Variants in RAP1GAP2 observed in about 807,000 individuals in gnomAD.
RAP1GAP2 encodes the protein RAP1 GTPase activating protein 2.
In RAP1GAP2, 27 loss-of-function variants were observed where a neutral mutation model predicts 95.0. That is an observed-to-expected ratio of 0.28 (90% CI 0.21 to 0.39). RAP1GAP2 has a LOEUF of 0.39. Ranked by LOEUF, RAP1GAP2 falls within the 10% of genes least tolerant of loss-of-function variation. The probability of loss-of-function intolerance (pLI) is 1.00; values close to 1 mark genes in which losing one functional copy is unlikely to be tolerated. For missense variants in RAP1GAP2, 771 were observed against 970.0 expected (o/e 0.79, Z 2.72); for synonymous variants, 373 against 380.9 (o/e 0.98, Z 0.24).
At chr17:2,756,011 C>T (rs1285859268) in intron 1 of RAP1GAP2, among the ~76,000 whole-genome samples, 1 of 152,196 alleles carries the variant, frequency 6.6e-6, no homozygotes, top group African/African-American at 2.4e-5. Flanking sequence ...CTGTGCGAGC[C>T]GTCAGGCTTT....
At chr17:2,953,708 A>G (rs977460923) in intron 3 of RAP1GAP2, among the ~76,000 whole-genome samples, 4 of 152,058 alleles carry the variant, frequency 2.6e-5, no homozygotes, top group Non-Finnish European at 5.9e-5. Context: ...TTAGCTGGGC[A>G]TGGGGGCGCA....
intron 13 of RAP1GAP2, among the ~76,000 whole-genome samples, chr17:2,995,856 G>A (rs2045937130): frequency 6.6e-6 from 1 of 152,208 alleles, no homozygotes; most frequent in Non-Finnish European, 1.5e-5. Flanking sequence ...GTGGCAAAGG[G>A]TGCATGGTGG....
chr17:2,985,137 C>T, intron 11 of RAP1GAP2, 71 bp downstream of exon 11: 1 of 1,602,540 alleles, frequency 6.2e-7, no homozygotes, highest in Non-Finnish European at 8.5e-7. Context: ...TATCCCCACC[C>T]AGAACACAGG....
intron 1 of RAP1GAP2, among the ~76,000 whole-genome samples, chr17:2,779,066 C>T (rs115730797): frequency 1.3e-3 from 198 of 152,262 alleles, no homozygotes; most frequent in African/African-American, 4.3e-3. Context: ...GAAGGCCCAG[C>T]GTGGCCTGAC....
chr17:3,017,941 G>A (rs1007728041), intron 17 of RAP1GAP2, 120 bp from the exon 18 acceptor site: 2 of 817,882 alleles, frequency 2.4e-6, no homozygotes, highest in African/African-American at 3.6e-5. Context: ...GTGTGTGTGT[G>A]TGTGTGTATG....
intron 2 of RAP1GAP2, among the ~76,000 whole-genome samples, chr17:2,874,514 C>G (rs971849751): frequency 5.9e-5 from 9 of 152,118 alleles, no homozygotes; most frequent in Non-Finnish European, 1.2e-4. Flanking sequence ...ACCCTCATTT[C>G]AAGCAGGTAT....
chr17:2,808,953 G>A (rs770861347), intron 2 of RAP1GAP2, among the ~76,000 whole-genome samples: 6 of 152,208 alleles, frequency 3.9e-5, no homozygotes, highest in Non-Finnish European at 7.4e-5. Flanking sequence ...CCTGTTTTGG[G>A]ATCTGGAGTC....
chr17:2,929,822 G>T (rs1317435552), intron 3 of RAP1GAP2, among the ~76,000 whole-genome samples: 2 of 152,160 alleles, frequency 1.3e-5, no homozygotes, highest in African/African-American at 2.4e-5. Flanking sequence ...CGGTCCTGAG[G>T]GTGCGTGCCC....
At chr17:3,013,047 C>T (rs919673050) in intron 17 of RAP1GAP2, among the ~76,000 whole-genome samples, 11 of 152,270 alleles carry the variant, frequency 7.2e-5, no homozygotes, top group South Asian at 2.1e-4. Context: ...AGAAGGCTGC[C>T]GGGCTGGCTG....
intron 3 of RAP1GAP2, among the ~76,000 whole-genome samples, chr17:2,932,584 CAAAAAAAA>C (rs71153311): frequency 1.9e-5 from 1 of 52,328 alleles, no homozygotes; most frequent in Non-Finnish European, 3.7e-5. Flanking sequence ...GACTCCATCT[CAAAAAAAA>C]AAAAAAAAAA....
chr17:2,953,020 G>C (rs1390355371), intron 3 of RAP1GAP2, among the ~76,000 whole-genome samples: 1 of 151,852 alleles, frequency 6.6e-6, no homozygotes, highest in African/African-American at 2.4e-5. Flanking sequence ...TGGCCAGGCT[G>C]GTCTCGAACT....
rs1032220132 is a variant in RAP1GAP2 at position 2,800,652 on chromosome 17, G to C, written c.80+102G>C. ...TGTGGGAGACACAAGAGGGGCTGTC[G>C]TGTTTGTCAGATTCCAGTCCGAGTC... On this transcript the variant is annotated intron_variant, in intron 2 of 24. Coordinates refer to ENST00000254695, the MANE Select transcript of RAP1GAP2 (RefSeq NM_015085.5). 5.6e-5 allele frequency: 70 copies of C among 1,252,874 alleles called. No homozygotes were observed. In the East Asian group the frequency reaches 1.7e-3, roughly 31 times the overall value. The allele number at this position is 1,252,874 out of a possible 1,614,324, so 77.6% of individuals were successfully genotyped here. A position where few individuals can be genotyped will look rare whatever the true frequency, so the allele number is the denominator to read the frequency against.
intron 2 of RAP1GAP2, among the ~76,000 whole-genome samples, chr17:2,899,017 G>A (rs974833111): frequency 1.4e-5 from 2 of 145,156 alleles, no homozygotes; most frequent in South Asian, 2.2e-4. Flanking sequence ...CGTTCTGTCT[G>A]TGGATTTGCC....
Position 2,963,775 on chromosome 17 carries a change from C to T in RAP1GAP2, c.280-81C>T. ...GGGTACCAGGCCCCACTCCTGGGAG[C>T]AGCGCAGAGGGGACACCGCCACCGG... On this transcript the variant is annotated intron_variant, in intron 6 of 24. Coordinates refer to ENST00000254695, the MANE Select transcript of RAP1GAP2 (RefSeq NM_015085.5). This position sits in a 1 kb window ranked among gnomAD's most constrained non-coding sequence, Gnocchi z 4.8. 18 of 1,250,814 alleles carry T rather than the reference C, an allele frequency of 1.4e-5. No homozygotes were observed. Among genetic ancestry groups the T allele is most frequent in the Non-Finnish European group, 1.9e-5 (17 of 905,872 alleles). The allele number at this position is 1,250,814 out of a possible 1,614,324, so 77.5% of individuals were successfully genotyped here. A position where few individuals can be genotyped will look rare whatever the true frequency, so the allele number is the denominator to read the frequency against.
rs1291035005 is a variant in RAP1GAP2, at chr17:3,034,936, C to T, written c.*1575C>T. Reference sequence around the variant, plus strand: ...GGATTTCCAGCTGAATGCTTTATTCCCATAGGGATCTGGACCTGTGCCCAA... The same window carrying T: ...GGATTTCCAGCTGAATGCTTTATTCTCATAGGGATCTGGACCTGTGCCCAA... On this transcript the variant is annotated 3_prime_UTR_variant, in exon 25 of 25. Transcript: ENST00000254695. This position sits in a 1 kb window ranked among gnomAD's most constrained non-coding sequence, Gnocchi z 5.1. 1 of 151,946 alleles carries T rather than the reference C, an allele frequency of 6.6e-6. No individual in the cohort carries two copies. Among genetic ancestry groups the T allele is most frequent in the Non-Finnish European group, 1.5e-5 (1 of 68,044 alleles). 9.4% of individuals were successfully genotyped at this position (151,946 alleles called of 1,614,324 possible). A position where few individuals can be genotyped will look rare whatever the true frequency, so the allele number is the denominator to read the frequency against.
At chr17:2,891,581 G>GC (rs2073718277) in intron 2 of RAP1GAP2, among the ~76,000 whole-genome samples, 3 of 149,998 alleles carry the variant, frequency 2.0e-5, no homozygotes, top group Non-Finnish European at 3.0e-5. Context: ...CACTTCCAGA[G>GC]CCCCCCCATC....
chr17:3,032,471 CTGTGG>C, intron 24 of RAP1GAP2, 22 bp downstream of exon 24: 1 of 1,607,710 alleles, frequency 6.2e-7, no homozygotes, highest in Non-Finnish European at 8.5e-7. Context: ...GAATGTCCTG[CTGTGG>C]CCGTGAGGGG....
chr17:3,023,035 C>T (rs1208398871), intron 19 of RAP1GAP2, among the ~76,000 whole-genome samples: 2 of 152,114 alleles, frequency 1.3e-5, no homozygotes, highest in African/African-American at 2.4e-5. Context: ...GGTTTTTGTT[C>T]TGTATGGTTA....
chr17:2,943,016 G>A (rs575193992), intron 3 of RAP1GAP2, among the ~76,000 whole-genome samples: 65 of 152,024 alleles, frequency 4.3e-4, no homozygotes, highest in Non-Finnish European at 8.1e-4. Context: ...TGATCTGCCC[G>A]CCTTGGCCAC....
Sources: allele counts gnomAD v4.1 joint callset (sites outside exome capture counted in the v4.1 genomes callset), GRCh38; gene constraint gnomAD v4.1.1; non-coding constraint Gnocchi (gnomAD v3.1); transcripts MANE v1.5; gene names NCBI Gene and HGNC (gene_info 2026-07-23, HGNC 2026-07-21).